TRDN: variants seen among roughly 807,000 people sequenced by gnomAD.
TRDN encodes triadin in skeletal muscle.
A neutral mutation model predicts 149.7 loss-of-function variants in TRDN; 161 were observed. The ratio of observed to expected loss-of-function variants is 1.08; its 90% CI spans 0.95 to 1.23. The LOEUF is 1.23. Among genes scored for constraint, TRDN ranks in the 50% most tolerant of loss-of-function variants. The pLI is 0.00. For synonymous variants in TRDN, 294 were observed against 250.5 expected (o/e 1.17, Z -1.64); for missense variants, 896 against 823.5 (o/e 1.09, Z -1.08).
intron 12 of TRDN, among the ~76,000 whole-genome samples, chr6:123,434,665 G>A (rs1402201883): frequency 6.6e-6 from 1 of 152,118 alleles, no homozygotes; most frequent in Non-Finnish European, 1.5e-5. Context: ...CAAACCTAGA[G>A]AGATGTTTTT....
At chr6:123,529,095 T>C in intron 5 of TRDN, 2 of 1,452,524 alleles carry the variant, frequency 1.4e-6, no homozygotes, top group African/African-American at 1.4e-5. Context: ...AAAATGCAAA[T>C]GGTGCCATCT....
intron 10 of TRDN, among the ~76,000 whole-genome samples, chr6:123,439,416 A>T (rs913346745): frequency 1.3e-5 from 2 of 152,224 alleles, no homozygotes; most frequent in Non-Finnish European, 2.9e-5. Context: ...TATACATTTA[A>T]TTTCATTAGA....
chr6:123,301,768 T>TATATATATATAC lies in TRDN; in HGVS notation c.1510+14688_1510+14689insGTATATATATAT. Among the ~76,000 whole-genome samples the TATATATATATAC allele has an allele frequency of 5.4e-4, 50 of 92,726 alleles. 4 individuals carry two copies. The highest frequency in any genetic ancestry group is 1.6e-3 in the Admixed American group (11 of 7,064). The allele number at this position is 92,726 out of a possible 152,430, so 60.8% of individuals were successfully genotyped here. ...ATATATATACATATATATATATATATACATATATATATATATATACATAAA... is the reference window on the plus strand; with the variant it reads ...ATATATATACATATATATATATATATATATATATATACACATATATATATATATATACATAAA... On this transcript the variant is annotated intron_variant, in intron 24 of 40. Coordinates refer to ENST00000334268, the MANE Select transcript of TRDN (RefSeq NM_006073.4).
intron 2 of TRDN, among the ~76,000 whole-genome samples, chr6:123,568,962 G>C (rs1782423066): frequency 6.6e-6 from 1 of 152,150 alleles, no homozygotes; most frequent in African/African-American, 2.4e-5. Flanking sequence ...TTCTTTCTTT[G>C]TCACATGGCT....
At chr6:123,490,948 GA>G (rs1032047974) in intron 9 of TRDN, among the ~76,000 whole-genome samples, 11 of 151,614 alleles carry the variant, frequency 7.3e-5, no homozygotes, top group African/African-American at 2.7e-4. Flanking sequence ...ACTAAAAATA[GA>G]AAAAAAATTA....
intron 22 of TRDN, among the ~76,000 whole-genome samples, chr6:123,336,727 A>G (rs1779885587): frequency 6.6e-6 from 1 of 151,782 alleles, no homozygotes; most frequent in African/African-American, 2.4e-5. Flanking sequence ...TATAGCACTG[A>G]TCAGTCCACA....
chr6:123,252,371 T>C (rs2114570555), intron 38 of TRDN, 41 bp downstream of exon 38: 1 of 1,250,032 alleles, frequency 8.0e-7, no homozygotes, highest in Non-Finnish European at 1.1e-6. Context: ...ATTGATACTA[T>C]GTATCAAAGA....
At chr6:123,289,317 G>A (rs1211561429) in intron 24 of TRDN, among the ~76,000 whole-genome samples, 2 of 151,790 alleles carry the variant, frequency 1.3e-5, no homozygotes, top group African/African-American at 4.8e-5. Context: ...GTTACCAGAG[G>A]GTAGAGAATA....
chr6:123,510,844 A>T (rs1779148087), intron 7 of TRDN, among the ~76,000 whole-genome samples: 1 of 152,062 alleles, frequency 6.6e-6, no homozygotes, highest in Non-Finnish European at 1.5e-5. Context: ...GGATTTCACC[A>T]TGTTGTCCAG....
chr6:123,446,769 A>C (rs1187975784), intron 10 of TRDN, among the ~76,000 whole-genome samples: 1 of 152,128 alleles, frequency 6.6e-6, no homozygotes, highest in Non-Finnish European at 1.5e-5. Flanking sequence ...AGGTTTAAGC[A>C]GAGAAGTTAT....
intron 1 of TRDN, among the ~76,000 whole-genome samples, chr6:123,601,649 G>T (rs1033040669): frequency 6.6e-6 from 1 of 152,084 alleles, no homozygotes; most frequent in African/African-American, 2.4e-5. Flanking sequence ...TGTCAGATTT[G>T]CACACATTCT....
chr6:123,609,463 T>C (rs1470967089), intron 1 of TRDN, among the ~76,000 whole-genome samples: 1 of 152,172 alleles, frequency 6.6e-6, no homozygotes, highest in East Asian at 1.9e-4. Context: ...TTCTGTACTT[T>C]CTTACTTTTA....
intron 4 of TRDN, among the ~76,000 whole-genome samples, chr6:123,542,859 CGTGTGTGT>C (rs10678221): frequency 1.4e-5 from 2 of 147,010 alleles, no homozygotes; most frequent in African/African-American, 5.0e-5. Flanking sequence ...TGCATGTTTG[CGTGTGTGT>C]GTGTGTGTGT....
At chr6:123,516,690 A>G (rs1779426245) in intron 5 of TRDN, among the ~76,000 whole-genome samples, 1 of 152,102 alleles carries the variant, frequency 6.6e-6, no homozygotes, top group African/African-American at 2.4e-5. Flanking sequence ...ATACTGGAAT[A>G]AGACTATAAA....
chr6:123,497,264 GA>G lies in TRDN; in HGVS notation c.794-13del. 6.7e-7 allele frequency: 1 copy of G among 1,496,656 alleles called. No individual in the cohort carries two copies. The highest frequency in any genetic ancestry group is 8.9e-7 in the Non-Finnish European group (1 of 1,125,896). The allele number at this position is 1,496,656 out of a possible 1,614,324, so 92.7% of individuals were successfully genotyped here. On this transcript the variant is annotated splice_polypyrimidine_tract_variant and intron_variant, in intron 8 of 40. Transcript: ENST00000334268. ...GAATGCATACTGATCTGACAGAGTA[GA>G]AAGAAAAAGAGCAATGAAAAAATGT...
chr6:123,347,240 A>G (rs1780289140), intron 21 of TRDN, among the ~76,000 whole-genome samples: 1 of 152,132 alleles, frequency 6.6e-6, no homozygotes, highest in South Asian at 2.1e-4. Flanking sequence ...AGAATATAGT[A>G]CGTACTGAAA....
intron 21 of TRDN, among the ~76,000 whole-genome samples, chr6:123,348,963 A>G (rs1300999618): frequency 6.6e-6 from 1 of 152,122 alleles, no homozygotes. Context: ...TCTGAATCAC[A>G]TGAATCAAAT....
At chr6:123,582,277 T>A (rs375368219) in intron 1 of TRDN, among the ~76,000 whole-genome samples, 5 of 152,252 alleles carry the variant, frequency 3.3e-5, no homozygotes, top group East Asian at 3.9e-4. Flanking sequence ...TAGTTTATTA[T>A]CTAACAACCC....
chr6:123,459,862 A>G (rs919666653), intron 10 of TRDN, among the ~76,000 whole-genome samples: 1 of 152,194 alleles, frequency 6.6e-6, no homozygotes, highest in African/African-American at 2.4e-5. Flanking sequence ...CAGTTATACC[A>G]TTTTTAGAGC....
Sources: gnomAD v4.1 joint callset for allele counts (sites outside exome capture counted in the v4.1 genomes callset) on GRCh38, gnomAD v4.1.1 for gene constraint, MANE v1.5 for transcripts, NCBI Gene and HGNC (gene_info 2026-07-23, HGNC 2026-07-21) for gene names.